The following PCDHGA9 variants were observed in gnomAD, a reference collection of about 807,000 sequenced individuals.
PCDHGA9 encodes protocadherin gamma-A9.
PCDHGA9 carries 37 observed loss-of-function variants against 62.5 expected under a neutral mutation model. The observed-to-expected ratio is 0.59, with a 90% CI of 0.46 to 0.78. The LOEUF (loss-of-function observed/expected upper bound fraction) is 0.78. Ranked by LOEUF, PCDHGA9 falls within the 30% of genes least tolerant of loss-of-function variation. The probability of loss-of-function intolerance (pLI) is 0.00; values close to 1 mark genes in which losing one functional copy is unlikely to be tolerated. For synonymous variants in PCDHGA9, 459 were observed against 484.6 expected, an observed-to-expected ratio of 0.95 and a Z score of 0.69; for missense variants, 1,138 against 1,166.2, an observed-to-expected ratio of 0.98 and a Z score of 0.35.
chr5:141,421,246 C>T (rs1047768415), intron 1 of PCDHGA9: 16 of 1,603,622 alleles, frequency 1.0e-5, no homozygotes, highest in Admixed American at 1.7e-5. Flanking sequence ...TCGGCTACAG[C>T]GCGGGGACCG....
At chr5:141,500,568 T>C (rs1562196424) in intron 2 of PCDHGA9, among the ~76,000 whole-genome samples, 2 of 152,190 alleles carry the variant, frequency 1.3e-5, no homozygotes, top group Admixed American at 6.5e-5. Context: ...CTTGTCACAC[T>C]TTCATGTGAC....
At position 141,413,736 on chromosome 5, in the gene PCDHGA9, G is replaced by A. The variant is rs189162146; in HGVS notation, c.2424+8360G>A. The A allele has an allele frequency of 1.9e-4, 309 of 1,613,452 alleles. No individual in the cohort carries two copies. In the African/African-American group the frequency reaches 3.0e-3, roughly 16 times the overall value. On this transcript the variant is annotated intron_variant, in intron 1 of 3. Coordinates refer to ENST00000573521, the MANE Select transcript of PCDHGA9 (RefSeq NM_018921.3). Reference sequence around the variant, plus strand: ...ATAAGCACTTCTCCCTAAGAGTTCAGAGCCGTGCCAATGGCGTCAAGTACC... The same window carrying A: ...ATAAGCACTTCTCCCTAAGAGTTCAAAGCCGTGCCAATGGCGTCAAGTACC...
chr5:141,420,293 A>T (rs1478341095), intron 1 of PCDHGA9: 1 of 1,485,484 alleles, frequency 6.7e-7, no homozygotes, highest in Admixed American at 2.2e-5. Context: ...TTAAAAATGT[A>T]TTTAATCCTT....
rs1210429084 is a variant in PCDHGA9 at position 141,487,045 on chromosome 5, T to C, written c.2425-7762T>C. 2 of 1,614,088 alleles carry C rather than the reference T, an allele frequency of 1.2e-6. No individual in the cohort carries two copies. Among genetic ancestry groups the C allele is most frequent in the Non-Finnish European group, 1.7e-6 (2 of 1,180,036 alleles). On this transcript the variant is annotated intron_variant, in intron 1 of 3. Coordinates refer to ENST00000573521, the MANE Select transcript of PCDHGA9 (RefSeq NM_018921.3). This position sits in a 1 kb window ranked among gnomAD's most constrained non-coding sequence, Gnocchi z 5.0. ...CCAGCCTGTTTGCAGTCTCTCGATA[T>C]GCTGGGGAGGTGCGGACGGCTGTTC...
intron 1 of PCDHGA9, chr5:141,430,966 A>G: frequency 1.2e-6 from 2 of 1,612,916 alleles, no homozygotes. Context: ...TCATCCCCAG[A>G]GGTAGGACGC....
chr5:141,458,633 A>C (rs548586597), intron 1 of PCDHGA9, among the ~76,000 whole-genome samples: 12 of 151,884 alleles, frequency 7.9e-5, no homozygotes, highest in Non-Finnish European at 1.5e-4. Flanking sequence ...GCAGTGGCAC[A>C]ATCCCAGCTC....
At chr5:141,481,210 G>A (rs1351826116) in intron 1 of PCDHGA9, among the ~76,000 whole-genome samples, 2 of 152,128 alleles carry the variant, frequency 1.3e-5, no homozygotes, top group Admixed American at 1.3e-4. Context: ...TAAAAAACAT[G>A]GTAAGGTCTC....
intron 1 of PCDHGA9, among the ~76,000 whole-genome samples, chr5:141,460,764 G>A (rs2098996981): frequency 6.6e-6 from 1 of 150,516 alleles, no homozygotes; most frequent in Admixed American, 6.7e-5. Flanking sequence ...TATACATATT[G>A]CATATGTATG....
In PCDHGA9 at chr5:141,423,069, G is replaced by A. The variant is rs1364397726; in HGVS notation, c.2424+17693G>A. ...CCTATCGCCTGCTTAAGGCCAGCGA[G>A]CCGGGACTCTTCGCGGTGGGGGAGC... On this transcript the variant is annotated intron_variant, in intron 1 of 3. Transcript: ENST00000573521. 8 of 1,614,034 alleles carry A rather than the reference G, an allele frequency of 5.0e-6. No homozygotes were observed. In the African/African-American group the frequency reaches 1.1e-4, roughly 22 times the overall value.
rs920444759 is a variant in PCDHGA9, at chr5:141,432,767, C to G, written c.2424+27391C>G. On this transcript the variant is annotated intron_variant, in intron 1 of 3. Transcript: ENST00000573521. The surrounding 1 kb of genome is among the most constrained non-coding windows in gnomAD (Gnocchi z 6.0). ...CGTGGCCGTGGCCGACAGCATCCCC[C>G]AAGTCCTGGCGGACCTCGGCAGCCT... 2 of 1,614,058 alleles carry G rather than the reference C, an allele frequency of 1.2e-6. No individual in the cohort carries two copies. Among genetic ancestry groups the G allele is most frequent in the Admixed American group, 1.7e-5 (1 of 60,012 alleles).
At chr5:141,413,588 A>C in intron 1 of PCDHGA9, 1 of 1,613,922 alleles carries the variant, frequency 6.2e-7, no homozygotes, top group South Asian at 1.1e-5. Flanking sequence ...CCAAAATTCC[A>C]AGCAGAAAAT....
At chr5:141,447,178 C>T (rs1258561542) in intron 1 of PCDHGA9, among the ~76,000 whole-genome samples, 2 of 152,094 alleles carry the variant, frequency 1.3e-5, no homozygotes, top group Middle Eastern at 3.4e-3. Context: ...TTGCTCTTGT[C>T]GCGCAGGCTG....
At chr5:141,409,813 C>T in intron 1 of PCDHGA9, 2 of 1,611,170 alleles carry the variant, frequency 1.2e-6, no homozygotes, top group African/African-American at 1.3e-5. Flanking sequence ...CCCGCGACCA[C>T]GGCTCGCCCA....
At chr5:141,419,826 C>T in intron 1 of PCDHGA9, 1 of 1,614,066 alleles carries the variant, frequency 6.2e-7, no homozygotes, top group Non-Finnish European at 8.5e-7. Flanking sequence ...CCCCTTTCAG[C>T]CACTGCCACG....
At position 141,477,910 on chromosome 5, in the gene PCDHGA9, G is replaced by C. The variant is rs766164142; in HGVS notation, c.2425-16897G>C. ...TGTCACGGGTGGTAGGCTGGGACGC[G>C]GATGCAGGGCACAATGCCTGGCTCT... On this transcript the variant is annotated intron_variant, in intron 1 of 3. Coordinates refer to ENST00000573521, the MANE Select transcript of PCDHGA9 (RefSeq NM_018921.3). This position sits in a 1 kb window ranked among gnomAD's most constrained non-coding sequence, Gnocchi z 4.9. 3 of 1,614,168 alleles carry C rather than the reference G, an allele frequency of 1.9e-6. No homozygotes were observed. Among genetic ancestry groups the C allele is most frequent in the Non-Finnish European group, 2.5e-6 (3 of 1,180,032 alleles).
intron 1 of PCDHGA9, chr5:141,421,221 G>A (rs746753262): frequency 6.3e-7 from 1 of 1,576,508 alleles, no homozygotes; most frequent in Non-Finnish European, 8.6e-7. Context: ...TCGGCTTAGA[G>A]CCTGCCATGG....
At chr5:141,446,461 A>G (rs1273508266) in intron 1 of PCDHGA9, among the ~76,000 whole-genome samples, 1 of 151,298 alleles carries the variant, frequency 6.6e-6, no homozygotes, top group Non-Finnish European at 1.5e-5. Flanking sequence ...TCAGTGTGTG[A>G]TTAGACATAT....
At chr5:141,408,438 C>T (rs749271632) in intron 1 of PCDHGA9, 1 of 1,614,014 alleles carries the variant, frequency 6.2e-7, no homozygotes. Context: ...AGCGTAGACG[C>T]GGAGAGCGGG....
intron 1 of PCDHGA9, chr5:141,410,184 A>G: frequency 6.2e-7 from 1 of 1,613,918 alleles, no homozygotes; most frequent in Non-Finnish European, 8.5e-7. Flanking sequence ...GCCACGCTTC[A>G]TCTGGTCTTC....
Sources: allele counts gnomAD v4.1 joint callset (sites outside exome capture counted in the v4.1 genomes callset), GRCh38; gene constraint gnomAD v4.1.1; non-coding constraint Gnocchi (gnomAD v3.1); transcripts MANE v1.5; gene names NCBI Gene and HGNC (gene_info 2026-07-23, HGNC 2026-07-21).